The following DSCAM variants were observed in gnomAD, a reference collection of about 807,000 sequenced individuals.
The protein encoded by DSCAM is DS cell adhesion molecule.
In DSCAM, 47 loss-of-function variants were observed where a neutral mutation model predicts 217.7. That is an observed-to-expected ratio of 0.22 (90% CI 0.17 to 0.28). The LOEUF is 0.28. Among genes scored for constraint, DSCAM ranks in the 10% least tolerant of loss-of-function variants. DSCAM has a pLI of 1.00. For synonymous variants in DSCAM, 1,056 were observed against 1,015.3 expected (o/e 1.04, Z -0.76); for missense variants, 2,080 against 2,618.3 (o/e 0.79, Z 4.49).
intron 32 of DSCAM, among the ~76,000 whole-genome samples, chr21:40,025,850 G>GT (rs1172614823): frequency 1.1e-4 from 16 of 150,662 alleles, no homozygotes; most frequent in South Asian, 2.1e-4. Context: ...TTTTTGAAGG[G>GT]TTTTTTGTGT....
At chr21:40,589,613 C>A (rs142035784) in intron 3 of DSCAM, among the ~76,000 whole-genome samples, 4 of 152,166 alleles carry the variant, frequency 2.6e-5, no homozygotes, top group East Asian at 1.9e-4. Context: ...AAACAAAAAA[C>A]CAACTAATAA....
rs1159978126 is a variant in DSCAM at position 40,075,223 on chromosome 21, G to A, written c.4712-10C>T. ...AGTGGAGGAATTGTACCTGAAAGCA[G>A]GGCCACGGTGTTAGATGGCTATTAA... On this transcript the variant is annotated splice_polypyrimidine_tract_variant and intron_variant, in intron 26 of 32. Coordinates refer to ENST00000400454, the MANE Select transcript of DSCAM (RefSeq NM_001389.5). 5.0e-6 allele frequency: 8 copies of A among 1,614,014 alleles called. No individual in the cohort carries two copies. Among genetic ancestry groups the A allele is most frequent in the African/African-American group, 2.7e-5 (2 of 74,944 alleles).
At chr21:40,750,416 C>G (rs2091216569) in intron 1 of DSCAM, among the ~76,000 whole-genome samples, 1 of 152,180 alleles carries the variant, frequency 6.6e-6, no homozygotes, top group Non-Finnish European at 1.5e-5. Flanking sequence ...TTTTCTAAGT[C>G]TCTGTTGCTG....
intron 1 of DSCAM, among the ~76,000 whole-genome samples, chr21:40,735,341 G>A (rs1212896402): frequency 5.9e-5 from 9 of 152,176 alleles, no homozygotes; most frequent in African/African-American, 1.2e-4. Context: ...GTTAAGGAAC[G>A]TATACAATTT....
At chr21:40,548,000 G>A (rs2076597357) in intron 3 of DSCAM, among the ~76,000 whole-genome samples, 1 of 152,178 alleles carries the variant, frequency 6.6e-6, no homozygotes, top group Non-Finnish European at 1.5e-5. Context: ...CTGGCATATG[G>A]TGTCTCCAAT....
intron 3 of DSCAM, among the ~76,000 whole-genome samples, chr21:40,420,592 T>A (rs989156688): frequency 1.3e-5 from 2 of 152,206 alleles, no homozygotes; most frequent in African/African-American, 4.8e-5. Flanking sequence ...GTTCATGTCC[T>A]ACCACCAGTA....
intron 3 of DSCAM, among the ~76,000 whole-genome samples, chr21:40,529,763 C>T (rs1435609369): frequency 1.3e-5 from 2 of 152,118 alleles, no homozygotes; most frequent in Non-Finnish European, 2.9e-5. Context: ...GATGAAATCT[C>T]TTTTATTATA....
chr21:40,729,695 A>C (rs911727838), intron 1 of DSCAM, among the ~76,000 whole-genome samples: 1 of 152,186 alleles, frequency 6.6e-6, no homozygotes, highest in Non-Finnish European at 1.5e-5. Flanking sequence ...TTAATGACCT[A>C]CTTTCATATA....
At chr21:40,142,427 A>G in intron 18 of DSCAM, 131 bp downstream of exon 18, 2 of 966,364 alleles carry the variant, frequency 2.1e-6, no homozygotes, top group Non-Finnish European at 3.0e-6. Flanking sequence ...ATGACAGAAA[A>G]GGGGAAAGTG....
At chr21:40,756,220 C>T (rs747906161) in intron 1 of DSCAM, among the ~76,000 whole-genome samples, 2 of 152,154 alleles carry the variant, frequency 1.3e-5, no homozygotes, top group Non-Finnish European at 2.9e-5. Context: ...CACCTCCCCC[C>T]TCTCTTCCTC....
At chr21:40,133,779 G>C in intron 19 of DSCAM, 75 bp downstream of exon 19, 1 of 1,504,920 alleles carries the variant, frequency 6.6e-7, no homozygotes, top group South Asian at 1.3e-5. Context: ...TGAACTGCAG[G>C]GTAAAGGCAA....
At chr21:40,414,355 T>C (rs1191859083) in intron 3 of DSCAM, among the ~76,000 whole-genome samples, 3 of 152,168 alleles carry the variant, frequency 2.0e-5, no homozygotes, top group African/African-American at 4.8e-5. Context: ...AAAGGAGATA[T>C]ATGAACAGTC....
At chr21:40,610,879 A>G (rs1015414224) in intron 3 of DSCAM, among the ~76,000 whole-genome samples, 2 of 152,132 alleles carry the variant, frequency 1.3e-5, no homozygotes, top group African/African-American at 4.8e-5. Context: ...CAAACCCTCT[A>G]AAGAGTGAGA....
intron 1 of DSCAM, among the ~76,000 whole-genome samples, chr21:40,798,785 G>C (rs2091713931): frequency 1.3e-5 from 2 of 152,046 alleles, no homozygotes; most frequent in Non-Finnish European, 1.5e-5. Flanking sequence ...AACTACAAGA[G>C]TTGCTTTTTT....
rs554969701 is a variant in DSCAM, at chr21:40,707,434, T to C, written c.361+1020A>G. 1.1e-4 allele frequency among the ~76,000 whole-genome samples: 16 copies of C among 152,306 alleles called. No individual in the cohort carries two copies. The South Asian group carries it at 3.3e-3, about 32-fold the overall frequency. ...CATGAGCATGTCACAAAGATCAAAA[T>C]ATAGTTGGGAAAATGACTAGCTAGC... On this transcript the variant is annotated intron_variant, in intron 2 of 32. Coordinates refer to ENST00000400454, the MANE Select transcript of DSCAM (RefSeq NM_001389.5).
chr21:40,323,364 T>C (rs1375955963), intron 8 of DSCAM, among the ~76,000 whole-genome samples: 1 of 152,174 alleles, frequency 6.6e-6, no homozygotes, highest in Admixed American at 6.5e-5. Flanking sequence ...TGTGACACAC[T>C]CTCCATATAC....
intron 3 of DSCAM, among the ~76,000 whole-genome samples, chr21:40,563,059 T>A (rs935718597): frequency 2.6e-5 from 4 of 152,162 alleles, no homozygotes; most frequent in African/African-American, 4.8e-5. Context: ...GGGTGAGTTA[T>A]CCCTAAGAAA....
intron 1 of DSCAM, among the ~76,000 whole-genome samples, chr21:40,838,984 G>A (rs1263722828): frequency 2.0e-5 from 3 of 152,132 alleles, no homozygotes; most frequent in Admixed American, 2.0e-4. Context: ...GGCCTAGAAA[G>A]GAAAACTATT....
At chr21:40,719,225 T>C (rs1307249064) in intron 1 of DSCAM, among the ~76,000 whole-genome samples, 2 of 152,072 alleles carry the variant, frequency 1.3e-5, no homozygotes, top group East Asian at 3.9e-4. Flanking sequence ...ATGCCACTGG[T>C]CATTAAGAAA....
Sources: allele counts gnomAD v4.1 joint callset (sites outside exome capture counted in the v4.1 genomes callset), GRCh38; gene constraint gnomAD v4.1.1; transcripts MANE v1.5; gene names NCBI Gene and HGNC (gene_info 2026-07-23, HGNC 2026-07-21).